TCF7L1: variants seen among roughly 807,000 people sequenced by gnomAD.
The protein encoded by TCF7L1 is transcription factor 7-like 1.
Under a neutral mutation model 63.7 loss-of-function variants are expected in TCF7L1, and 18 were observed. The observed-to-expected ratio is 0.28, with a 90% CI of 0.20 to 0.42. The LOEUF (loss-of-function observed/expected upper bound fraction) is 0.42, where lower values mean the gene tolerates loss of function less well. Ranked by LOEUF, TCF7L1 falls within the 10% of genes least tolerant of loss-of-function variation. The probability of loss-of-function intolerance (pLI) is 1.00; values close to 1 mark genes in which losing one functional copy is unlikely to be tolerated. For missense variants in TCF7L1, 654 were observed against 779.3 expected (o/e 0.84, Z 1.91); for synonymous variants, 355 against 340.9 (o/e 1.04, Z -0.46).
chr2:85,270,405 G>A lies in TCF7L1; in HGVS notation c.442-13090G>A, dbSNP rs1309074912. Among the ~76,000 whole-genome samples, 3 of 152,176 alleles carry A rather than the reference G, an allele frequency of 2.0e-5. No homozygotes were observed. In the East Asian group the frequency reaches 5.8e-4, roughly 29 times the overall value. On this transcript the variant is annotated intron_variant, in intron 3 of 11. Coordinates refer to ENST00000282111, the MANE Select transcript of TCF7L1 (RefSeq NM_031283.3). ...CTGAGTTCCGCTTTGTGCCAGCCAG[G>A]AGAGATGCTTCTATGACCTGGTTTC...
At chr2:85,201,232 A>G (rs540278549) in intron 3 of TCF7L1, among the ~76,000 whole-genome samples, 5 of 152,272 alleles carry the variant, frequency 3.3e-5, no homozygotes, top group Non-Finnish European at 5.9e-5. Context: ...CAAAAAAATT[A>G]TTACAGTCAT....
rs553422397 is a variant in TCF7L1 at position 85,305,264 on chromosome 2, G to A, written c.850G>A (p.Val284Ile). 1.6e-5 allele frequency: 26 copies of A among 1,614,034 alleles called. 1 individual carries two copies. In the South Asian group the frequency reaches 2.7e-4, roughly 17 times the overall value. Residue 284 changes from valine to isoleucine, a missense_variant, in exon 8 of 12, where the codon GTC becomes ATC. Val to Ile is a conservative substitution (Grantham distance 29). Around this residue, in one of 3 missense-constraint regions of TCF7L1, gnomAD observed 404 missense variants for 454.8 expected, o/e 0.89. Transcript: ENST00000282111. Reference sequence around the variant, plus strand: ...TTGTTTCTATCCGGTGCACAGCCTGGTCTCCAGTCGGTTCTCTCCTCACAT... The same window carrying A: ...TTGTTTCTATCCGGTGCACAGCCTGATCTCCAGTCGGTTCTCTCCTCACAT... Reference protein sequence around the residue: ...LAMNASMSSLVSSRFSPHMVA... With the variant: ...LAMNASMSSLISSRFSPHMVA...
intron 3 of TCF7L1, among the ~76,000 whole-genome samples, chr2:85,244,247 T>C (rs1680408542): frequency 6.6e-6 from 1 of 152,112 alleles, no homozygotes; most frequent in South Asian, 2.1e-4. Context: ...ATGCAGCCCA[T>C]GATGAAGCCT....
intron 3 of TCF7L1, among the ~76,000 whole-genome samples, chr2:85,159,524 C>A (rs1337182431): frequency 2.0e-5 from 3 of 152,234 alleles, no homozygotes; most frequent in African/African-American, 7.2e-5. Context: ...TGGCTGCCTG[C>A]ACTTGGGAAG....
At position 85,277,876 on chromosome 2, in the gene TCF7L1, G is replaced by A. The variant is rs910146292; in HGVS notation, c.442-5619G>A. The stretch of plus-strand genomic sequence containing the variant: ...AGGGAGAATGTGGGCATTCCCCCGA[G>A]CCCTGTAGAGTCCTGTCCACACTAA... On this transcript the variant is annotated intron_variant, in intron 3 of 11. Coordinates refer to ENST00000282111, the MANE Select transcript of TCF7L1 (RefSeq NM_031283.3). 2.6e-5 allele frequency among the ~76,000 whole-genome samples: 4 copies of A among 152,222 alleles called. No homozygotes were observed. In the East Asian group the frequency reaches 7.7e-4, roughly 29 times the overall value.
chr2:85,284,995 AGGCCGAGGTG>A (rs1247523766), intron 4 of TCF7L1, among the ~76,000 whole-genome samples: 3 of 152,334 alleles, frequency 2.0e-5, no homozygotes, highest in African/African-American at 7.2e-5. Context: ...GCACTTTGGG[AGGCCGAGGTG>A]GGCGGATCAC....
intron 3 of TCF7L1, among the ~76,000 whole-genome samples, chr2:85,159,782 G>A (rs938203954): frequency 3.9e-5 from 6 of 152,242 alleles, no homozygotes; most frequent in African/African-American, 1.4e-4. Flanking sequence ...GGCCTGGCCT[G>A]ACATCCTGCC....
rs139382139 is a variant in TCF7L1 at position 85,177,661 on chromosome 2, C to T, written c.441+43211C>T. ...TTGAGGCTGCAGTGAGCCATGATTG[C>T]GCCACTGCACTCCAGCCTGGGCAAC... On this transcript the variant is annotated intron_variant, in intron 3 of 11. Transcript: ENST00000282111. Among the ~76,000 whole-genome samples the T allele has an allele frequency of 6.8e-3, 1,038 of 152,116 alleles. 12 individuals are homozygous for T. Among genetic ancestry groups the T allele is most frequent in the African/African-American group, 0.023 (966 of 41,484 alleles).
intron 4 of TCF7L1, among the ~76,000 whole-genome samples, chr2:85,291,706 G>A (rs920537553): frequency 9.9e-5 from 15 of 151,886 alleles, no homozygotes; most frequent in South Asian, 2.1e-4. Flanking sequence ...TCAGCCTCCC[G>A]GATTTTGGTT....
intron 3 of TCF7L1, among the ~76,000 whole-genome samples, chr2:85,239,514 G>A (rs748031801): frequency 6.6e-6 from 1 of 152,208 alleles, no homozygotes; most frequent in Non-Finnish European, 1.5e-5. Context: ...AAACGCAGTG[G>A]GAGCAGTGGA....
chr2:85,181,699 C>T (rs145107148), intron 3 of TCF7L1, among the ~76,000 whole-genome samples: 5 of 152,270 alleles, frequency 3.3e-5, no homozygotes, highest in Admixed American at 6.5e-5. Flanking sequence ...GTGACTGGTC[C>T]GTGTGTCTGC....
chr2:85,300,094 G>A (rs930419914), intron 4 of TCF7L1, among the ~76,000 whole-genome samples: 3 of 151,906 alleles, frequency 2.0e-5, no homozygotes, highest in South Asian at 4.2e-4. Context: ...AAGTAAAGTT[G>A]GAAAATATGG....
In TCF7L1 at chr2:85,283,530, C is replaced by T; in HGVS notation, c.477C>T (p.Pro159=). The T allele has an allele frequency of 6.2e-7, 1 of 1,614,160 alleles. No homozygotes were observed. Among genetic ancestry groups the T allele is most frequent in the African/African-American group, 1.3e-5 (1 of 75,030 alleles). The change falls in exon 4 of 12, where the codon CCC becomes CCT. Residue 159 remains proline (P), a synonymous_variant. Transcript: ENST00000282111. The stretch of plus-strand genomic sequence containing the variant: ...TGAAATGGCCCCTCCTCGATGTCCC[C>T]TCCAGCGCCACAGTCAAGGACACGA... The part of the protein sequence containing the change: ...LQMKWPLLDV[P]SSATVKDTRS...
chr2:85,181,776 G>A (rs558052306), intron 3 of TCF7L1, among the ~76,000 whole-genome samples: 13 of 152,126 alleles, frequency 8.5e-5, no homozygotes, highest in Non-Finnish European at 8.8e-5. Context: ...TTCCCAGGGC[G>A]CTCGTCTGGT....
chr2:85,210,527 A>C (rs995616165), intron 3 of TCF7L1, among the ~76,000 whole-genome samples: 2 of 152,208 alleles, frequency 1.3e-5, no homozygotes, highest in Admixed American at 6.5e-5. Context: ...AACCCAAGAG[A>C]GTCAAGTGAA....
At chr2:85,221,795 A>G (rs1438999336) in intron 3 of TCF7L1, among the ~76,000 whole-genome samples, 4 of 152,164 alleles carry the variant, frequency 2.6e-5, no homozygotes, top group Non-Finnish European at 5.9e-5. Flanking sequence ...CCTCTCCCCT[A>G]AATAAAATAA....
rs772036151 is a variant in TCF7L1 at position 85,305,364 on chromosome 2, A to G, written c.950A>G (p.Gln317Arg). ...HPAIVSPIVK[Q>R]EPAPPSLSPA... The stretch of plus-strand genomic sequence containing the variant: ...GCCATCGTCTCCCCCATCGTCAAGC[A>G]GGAACCGGCACCCCCCAGCCTGAGC... Residue 317 changes from glutamine to arginine, a missense_variant, in exon 8 of 12, where the codon CAG becomes CGG. Physicochemically the swap from Gln to Arg is conservative, Grantham distance 43 (BLOSUM62 1). Transcript: ENST00000282111. 6.2e-7 allele frequency: 1 copy of G among 1,613,466 alleles called. No individual in the cohort carries two copies. The highest frequency in any genetic ancestry group is 8.5e-7 in the Non-Finnish European group (1 of 1,179,820).
At chr2:85,196,045 C>A (rs1679147410) in intron 3 of TCF7L1, among the ~76,000 whole-genome samples, 1 of 152,098 alleles carries the variant, frequency 6.6e-6, no homozygotes, top group South Asian at 2.1e-4. Context: ...CCAGTCTGCA[C>A]CCACAATAGT....
Position 85,267,621 on chromosome 2 carries a change from C to A in TCF7L1, c.442-15874C>A, listed in dbSNP as rs187521779. Among the ~76,000 whole-genome samples the A allele has an allele frequency of 1.8e-3, 277 of 149,994 alleles. 2 individuals carry two copies. The highest frequency in any genetic ancestry group is 6.4e-3 in the African/African-American group (259 of 40,676). ...CCAAGATCGCACCATTGCACTCCAA[C>A]CTGGGCGACAGAGGAAAGACTCTGT... On this transcript the variant is annotated intron_variant, in intron 3 of 11. Transcript: ENST00000282111.
Sources: allele counts gnomAD v4.1 joint callset (sites outside exome capture counted in the v4.1 genomes callset), GRCh38; gene constraint gnomAD v4.1.1; regional missense constraint gnomAD v4.1.1; transcripts MANE v1.5; gene names NCBI Gene and HGNC (gene_info 2026-07-23, HGNC 2026-07-21).